Variants in PLA2R1 observed in about 807,000 individuals in gnomAD.
PLA2R1 encodes phospholipase A2 receptor 1.
PLA2R1 carries 158 observed loss-of-function variants against 195.9 expected under a neutral mutation model. The observed-to-expected ratio is 0.81, with a 90% confidence interval of 0.71 to 0.92. The LOEUF is 0.92. Ranked by LOEUF, PLA2R1 falls within the 40% of genes least tolerant of loss-of-function variation. PLA2R1 has a pLI of 0.00. For synonymous variants in PLA2R1, 586 were observed against 598.2 expected (o/e 0.98, Z 0.30); for missense variants, 1,626 against 1,764.6 (o/e 0.92, Z 1.41).
chr2:160,038,065 CAAG>C (rs1451259127), intron 3 of PLA2R1, among the ~76,000 whole-genome samples: 5 of 152,138 alleles, frequency 3.3e-5, no homozygotes, highest in Non-Finnish European at 5.9e-5. Context: ...AAATGGAGGT[CAAG>C]GTCAGGCATG....
At chr2:159,930,460 T>C (rs770417578), downstream of PLA2R1, among the ~76,000 whole-genome samples, 2 of 150,558 alleles carry the variant, frequency 1.3e-5, no homozygotes, top group Non-Finnish European at 3.0e-5. Context: ...GCTTGCATGA[T>C]GGGTGCACCA....
chr2:159,943,661 C>A (rs1433341764), intron 28 of PLA2R1, among the ~76,000 whole-genome samples: 1 of 152,166 alleles, frequency 6.6e-6, no homozygotes, highest in Non-Finnish European at 1.5e-5. Context: ...TGGAAAGCTG[C>A]TGCGAAGGAT....
At chr2:160,021,167 A>G (rs902176367) in intron 7 of PLA2R1, among the ~76,000 whole-genome samples, 1 of 152,124 alleles carries the variant, frequency 6.6e-6, no homozygotes, top group African/African-American at 2.4e-5. Flanking sequence ...ACACTTATAC[A>G]CTATTGGTGG....
chr2:159,957,617 A>T (rs555673203), intron 20 of PLA2R1, among the ~76,000 whole-genome samples: 2 of 152,184 alleles, frequency 1.3e-5, no homozygotes, highest in East Asian at 3.9e-4. Context: ...CCTCCCAAAG[A>T]GTTGGGATTA....
At chr2:160,039,695 C>T (rs906697646) in intron 3 of PLA2R1, among the ~76,000 whole-genome samples, 3 of 151,944 alleles carry the variant, frequency 2.0e-5, no homozygotes, top group Non-Finnish European at 4.4e-5. Context: ...CCAAAAGTAA[C>T]AAGAAAGGAA....
intron 3 of PLA2R1, among the ~76,000 whole-genome samples, chr2:160,039,993 T>A (rs1694423883): frequency 6.6e-6 from 1 of 152,118 alleles, no homozygotes; most frequent in South Asian, 2.1e-4. Flanking sequence ...GTGAAGTACG[T>A]GTTAACTTTA....
chr2:159,927,164 G>T (rs1417088710), downstream of PLA2R1, among the ~76,000 whole-genome samples: 1 of 152,144 alleles, frequency 6.6e-6, no homozygotes, highest in African/African-American at 2.4e-5. Context: ...AAATAAAACT[G>T]ATGCTAAAAG....
intron 13 of PLA2R1, among the ~76,000 whole-genome samples, chr2:159,983,302 T>C (rs557104211): frequency 7.9e-5 from 12 of 152,292 alleles, no homozygotes; most frequent in African/African-American, 2.6e-4. Flanking sequence ...CAAGACGGTT[T>C]AGAGTTCTTA....
At chr2:160,053,599 G>A (rs1695352457) in intron 1 of PLA2R1, among the ~76,000 whole-genome samples, 1 of 152,212 alleles carries the variant, frequency 6.6e-6, no homozygotes, top group East Asian at 1.9e-4. Flanking sequence ...ACCCACAGAA[G>A]TGATATCAGT....
Position 160,033,035 on chromosome 2 carries a change from C to T in PLA2R1, c.765G>A (p.Glu255=). ...FNLLSSLSWS[E]AHSSCQMQGG... ...CTTGCATCTGGCATGAAGAATGTGC[C>T]TCACTCCAAGAGAGAGATGAAAGCA... The change falls in exon 4 of 30, where the codon GAG becomes GAA. Residue 255 remains glutamate, a synonymous_variant. Transcript: ENST00000283243. The T allele has an allele frequency of 1.2e-5, 19 of 1,613,492 alleles. No individual in the cohort carries two copies. The highest frequency in any genetic ancestry group is 1.6e-5 in the Non-Finnish European group (19 of 1,179,594).
At chr2:160,049,817 T>C (rs753058886) in intron 1 of PLA2R1, among the ~76,000 whole-genome samples, 2 of 152,028 alleles carry the variant, frequency 1.3e-5, no homozygotes, top group Non-Finnish European at 2.9e-5. Flanking sequence ...CAGAGCGAGA[T>C]TGTGTCTCAA....
the PLA2R1 span, among the ~76,000 whole-genome samples, chr2:159,924,473 C>A: frequency 6.6e-6 from 1 of 152,114 alleles, no homozygotes; most frequent in Non-Finnish European, 1.5e-5. Flanking sequence ...TCCTGAGCTG[C>A]GAGGAGGCTG....
chr2:160,007,471 G>A (rs963033728), intron 10 of PLA2R1, among the ~76,000 whole-genome samples: 6 of 152,214 alleles, frequency 3.9e-5, no homozygotes, highest in Non-Finnish European at 4.4e-5. Context: ...GGCCTTAGCT[G>A]GAAGACAGAC....
intron 11 of PLA2R1, among the ~76,000 whole-genome samples, chr2:160,004,576 G>T (rs1408741350): frequency 6.6e-6 from 1 of 152,186 alleles, no homozygotes; most frequent in Non-Finnish European, 1.5e-5. Context: ...AGAGCTCCGG[G>T]CCTTCAGGGA....
At position 160,016,771 on chromosome 2, in the gene PLA2R1, T is replaced by G. The variant is rs779987316; in HGVS notation, c.1453-59A>C. 3 of 726,700 alleles carry G rather than the reference T, an allele frequency of 4.1e-6. No homozygotes were observed. The Admixed American group carries it at 7.1e-5, about 17-fold the overall frequency. The allele number at this position is 726,700 out of a possible 1,614,324, so 45.0% of individuals were successfully genotyped here. A position where few individuals can be genotyped will look rare whatever the true frequency, so the allele number is the denominator to read the frequency against. On this transcript the variant is annotated intron_variant, in intron 8 of 29. Transcript: ENST00000283243. ...ACTCTGTGCTGATACCGATGGGCAA[T>G]AGCAATTCTTATAAAAAAAATATGA...
chr2:160,007,714 C>A (rs1211688440), intron 10 of PLA2R1, among the ~76,000 whole-genome samples: 1 of 152,138 alleles, frequency 6.6e-6, no homozygotes, highest in Non-Finnish European at 1.5e-5. Context: ...CTGAAAACTG[C>A]AAAATGGTGC....
chr2:160,027,749 T>TTCTGCATGTA (rs1693613573), intron 6 of PLA2R1, among the ~76,000 whole-genome samples: 1 of 152,200 alleles, frequency 6.6e-6, no homozygotes, highest in Non-Finnish European at 1.5e-5. Context: ...ATTATTTAAG[T>TTCTGCATGTA]ATTAACTCCA....
intron 27 of PLA2R1, chr2:159,945,978 T>A (rs1012683522): frequency 1.0e-6 from 1 of 972,046 alleles, no homozygotes; most frequent in Non-Finnish European, 1.2e-6. Context: ...GAAAAATCCT[T>A]TGAAGTCCTA....
intron 12 of PLA2R1, 118 bp downstream of exon 12, chr2:159,987,034 GCTGT>G (rs1690394835): frequency 3.0e-6 from 2 of 672,122 alleles, no homozygotes; most frequent in African/African-American, 1.8e-5. Context: ...TTAAGCACCT[GCTGT>G]CTGTCAGGCA....
Sources: allele counts gnomAD v4.1 joint callset (sites outside exome capture counted in the v4.1 genomes callset), GRCh38; gene constraint gnomAD v4.1.1; transcripts MANE v1.5; gene names NCBI Gene and HGNC (gene_info 2026-07-23, HGNC 2026-07-21).